The following MRPL42 variants were observed in gnomAD, a reference collection of about 807,000 sequenced individuals.
The protein encoded by MRPL42 is mitochondrial ribosomal protein L42.
Under a neutral mutation model 17.9 loss-of-function variants are expected in MRPL42, and 17 were observed. The ratio of observed to expected loss-of-function variants is 0.95; its 90% CI spans 0.65 to 1.42. The LOEUF (loss-of-function observed/expected upper bound fraction) is 1.42, where lower values mean the gene tolerates loss of function less well. Among genes scored for constraint, MRPL42 ranks in the 40% most tolerant of loss-of-function variants. The pLI, the probability that MRPL42 is intolerant of heterozygous loss-of-function variation, is 0.00. For synonymous variants in MRPL42, 59 were observed against 54.4 expected (o/e 1.08, Z -0.37); for missense variants, 177 against 175.2 (o/e 1.01, Z -0.06).
At chr12:93,471,974 G>A (rs1406697390) in intron 2 of MRPL42, among the ~76,000 whole-genome samples, 1 of 152,054 alleles carries the variant, frequency 6.6e-6, no homozygotes, top group African/African-American at 2.4e-5. Context: ...TCCTCACACA[G>A]GCCCATCAGA....
chr12:93,473,520 C>T (rs1196627373), intron 2 of MRPL42, among the ~76,000 whole-genome samples: 1 of 152,182 alleles, frequency 6.6e-6, no homozygotes, highest in Non-Finnish European at 1.5e-5. Context: ...CAACCTCCGC[C>T]TCCCAGATTC....
chr12:93,480,546 C>CTT (rs1263859088), intron 4 of MRPL42, among the ~76,000 whole-genome samples: 1 of 139,114 alleles, frequency 7.2e-6, no homozygotes, highest in Non-Finnish European at 1.6e-5. Flanking sequence ...AATTTCTTTT[C>CTT]TTTTTTTTTT....
chr12:93,479,219 G>A (rs1880337755), intron 3 of MRPL42, among the ~76,000 whole-genome samples, 169 bp from the exon 4 acceptor site: 1 of 150,600 alleles, frequency 6.6e-6, no homozygotes, highest in Non-Finnish European at 1.5e-5. Flanking sequence ...CACCACGCTG[G>A]GCCCAGAATG....
intron 4 of MRPL42, among the ~76,000 whole-genome samples, chr12:93,483,430 C>T (rs980075424): frequency 2.0e-5 from 3 of 152,168 alleles, no homozygotes; most frequent in Non-Finnish European, 4.4e-5. Context: ...TAGCCTATTG[C>T]TCCCAGGCTG....
chr12:93,480,732 G>A (rs1444743449), intron 4 of MRPL42, among the ~76,000 whole-genome samples: 2 of 151,060 alleles, frequency 1.3e-5, no homozygotes, highest in Non-Finnish European at 3.0e-5. Flanking sequence ...AGTAGAGACA[G>A]GGTTTCACCA....
At chr12:93,488,237 T>C (rs61934324) in intron 5 of MRPL42, 126,583 of 393,222 alleles carry the variant, frequency 0.32, 22,617 homozygotes, top group Non-Finnish European at 0.39. Context: ...CCCAAAGTGC[T>C]GGGATTACAG....
intron 5 of MRPL42, among the ~76,000 whole-genome samples, chr12:93,494,723 C>T (rs946877826): frequency 7.2e-5 from 11 of 152,140 alleles, no homozygotes; most frequent in Non-Finnish European, 1.0e-4. Context: ...TGGGACTGGA[C>T]GAGATTCCTG....
rs1163845769 is a variant in MRPL42, at chr12:93,511,110, T to G, written c.*9889T>G. The stretch of plus-strand genomic sequence containing the variant: ...TGAAAACCAATAGATTGTTCTAGTT[T>G]TACTCATAAATATAATTCTTCATAT... On this transcript the variant is annotated 3_prime_UTR_variant, in exon 6 of 6. Coordinates refer to ENST00000549982, the MANE Select transcript of MRPL42 (RefSeq NM_014050.4). 6.6e-6 allele frequency: 1 copy of G among 152,216 alleles called. No homozygotes were observed. The highest frequency in any genetic ancestry group is 1.9e-4 in the East Asian group (1 of 5,202). The allele number at this position is 152,216 out of a possible 1,614,324, so 9.4% of individuals were successfully genotyped here. A position where few individuals can be genotyped will look rare whatever the true frequency, so the allele number is the denominator to read the frequency against.
rs1241272354 is a variant in MRPL42 at position 93,516,042 on chromosome 12, CCTT to C, written c.*14825_*14827del. On this transcript the variant is annotated 3_prime_UTR_variant, in exon 6 of 6. Coordinates refer to ENST00000549982, the MANE Select transcript of MRPL42 (RefSeq NM_014050.4). ...TGTATTGAGATAATCATGAAATTCT[CCTT>C]CTTTCTGATAGTATCCAATCTGGAG... 4 of 152,288 alleles carry C rather than the reference CCTT, an allele frequency of 2.6e-5. No individual in the cohort carries two copies. The highest frequency in any genetic ancestry group is 1.3e-4 in the Admixed American group (2 of 15,288). The allele number at this position is 152,288 out of a possible 1,614,324, so 9.4% of individuals were successfully genotyped here.
intron 4 of MRPL42, among the ~76,000 whole-genome samples, chr12:93,486,948 G>A (rs1480002695): frequency 1.3e-5 from 2 of 151,964 alleles, no homozygotes; most frequent in Non-Finnish European, 2.9e-5. Context: ...ACAGGCATGA[G>A]CCACCACACC....
chr12:93,510,531 C>T lies in MRPL42; in HGVS notation c.*9310C>T, dbSNP rs1245938700. On this transcript the variant is annotated 3_prime_UTR_variant, in exon 6 of 6. Coordinates refer to ENST00000549982, the MANE Select transcript of MRPL42 (RefSeq NM_014050.4). ...TGTAAAAAACCACCAAACTGTCCTACAGAGAGGCTGTACCATTTTGCATTC... is the reference window on the plus strand; with the variant it reads ...TGTAAAAAACCACCAAACTGTCCTATAGAGAGGCTGTACCATTTTGCATTC... The T allele has an allele frequency of 6.6e-6, 1 of 152,222 alleles. No homozygotes were observed. Among genetic ancestry groups the T allele is most frequent in the Non-Finnish European group, 1.5e-5 (1 of 68,054 alleles). 9.4% of individuals were successfully genotyped at this position (152,222 alleles called of 1,614,324 possible).
In MRPL42 at chr12:93,513,568, T is replaced by C. The variant is rs1327881538; in HGVS notation, c.*12347T>C. 6.6e-6 allele frequency: 1 copy of C among 152,212 alleles called. No homozygotes were observed. Among genetic ancestry groups the C allele is most frequent in the Non-Finnish European group, 1.5e-5 (1 of 68,044 alleles). The allele number at this position is 152,212 out of a possible 1,614,324, so 9.4% of individuals were successfully genotyped here. ...TAATAAACAGAATCACTACTTCAAT[T>C]ATAATCTTCAGTTATAATTGAAGAA... On this transcript the variant is annotated 3_prime_UTR_variant, in exon 6 of 6. Transcript: ENST00000549982.
rs371997419 is a variant in MRPL42, at chr12:93,492,791, A to C, written c.383+5131A>C. Among the ~76,000 whole-genome samples the C allele has an allele frequency of 2.7e-3, 418 of 152,300 alleles. 1 individual carries two copies. The highest frequency in any genetic ancestry group is 6.5e-3 in the African/African-American group (272 of 41,552). On this transcript the variant is annotated intron_variant, in intron 5 of 5. Coordinates refer to ENST00000549982, the MANE Select transcript of MRPL42 (RefSeq NM_014050.4). ...GCTCAATAAATGTCAAATAGCATTT[A>C]CACATATCTTATCATGCATGAATTT...
chr12:93,514,291 CTTTCTTTT>C lies in MRPL42; in HGVS notation c.*13074_*13081del, dbSNP rs1953757675. 1.4e-5 allele frequency: 1 copy of C among 72,338 alleles called. No homozygotes were observed. The highest frequency in any genetic ancestry group is 4.9e-5 in the African/African-American group (1 of 20,388). 4.5% of individuals were successfully genotyped at this position (72,338 alleles called of 1,614,324 possible). ...TTCTCCCTCTGCTTTTTCTTTCTTT[CTTTCTTTT>C]TTTTTTTTTTTTTTTTGAGATGGCG... On this transcript the variant is annotated 3_prime_UTR_variant, in exon 6 of 6. Coordinates refer to ENST00000549982, the MANE Select transcript of MRPL42 (RefSeq NM_014050.4).
rs1193721129 is a variant in MRPL42, at chr12:93,504,112, A to G, written c.*2891A>G. 1 of 152,372 alleles carries G rather than the reference A, an allele frequency of 6.6e-6. No homozygotes were observed. Among genetic ancestry groups the G allele is most frequent in the Non-Finnish European group, 1.5e-5 (1 of 67,898 alleles). The allele number at this position is 152,372 out of a possible 1,614,324, so 9.4% of individuals were successfully genotyped here. ...ATCACCATGTCCGGCATCCATGTTTATGTACATTTTTAAAGTCAGTGGTTT... is the reference window on the plus strand; with the variant it reads ...ATCACCATGTCCGGCATCCATGTTTGTGTACATTTTTAAAGTCAGTGGTTT... On this transcript the variant is annotated 3_prime_UTR_variant, in exon 6 of 6. Transcript: ENST00000549982.
rs557602616 is a variant in MRPL42, at chr12:93,507,367, CTT to C, written c.*6149_*6150del. 69 of 152,296 alleles carry C rather than the reference CTT, an allele frequency of 4.5e-4. No homozygotes were observed. Among genetic ancestry groups the C allele is most frequent in the African/African-American group, 1.6e-3 (67 of 41,568 alleles). The allele number at this position is 152,296 out of a possible 1,614,324, so 9.4% of individuals were successfully genotyped here. On this transcript the variant is annotated 3_prime_UTR_variant, in exon 6 of 6. Transcript: ENST00000549982. ...CCTTACTTGTCAGTTTCAGCCTTCA[CTT>C]TTAGTTTCTTTTTCTTTTCCTTTTT... is the stretch of plus-strand genomic sequence containing the variant.
At chr12:93,473,506 A>G (rs1478883321) in intron 2 of MRPL42, among the ~76,000 whole-genome samples, 3 of 151,962 alleles carry the variant, frequency 2.0e-5, no homozygotes, top group Non-Finnish European at 4.4e-5. Flanking sequence ...ATCTTGGCCC[A>G]CTGCAACCTC....
chr12:93,490,192 T>C (rs2121244944), intron 5 of MRPL42, among the ~76,000 whole-genome samples: 1 of 152,354 alleles, frequency 6.6e-6, no homozygotes, highest in East Asian at 1.9e-4. Context: ...GAGACAAGAC[T>C]GAAGACAGGG....
At chr12:93,470,510 G>A (rs1213798042) in intron 2 of MRPL42, 2 of 1,293,066 alleles carry the variant, frequency 1.5e-6, no homozygotes, top group African/African-American at 3.0e-5. Flanking sequence ...GTGCAGGTTT[G>A]TTACGTGGAT....
Sources: allele counts gnomAD v4.1 joint callset (sites outside exome capture counted in the v4.1 genomes callset), GRCh38; gene constraint gnomAD v4.1.1; transcripts MANE v1.5; gene names NCBI Gene and HGNC (gene_info 2026-07-23, HGNC 2026-07-21).